Variants in C19orf38 observed in about 807,000 individuals in gnomAD.
C19orf38 encodes the protein chromosome 19 open reading frame 38.
In C19orf38, 14 loss-of-function variants were observed where a neutral mutation model predicts 26.6. That is an observed-to-expected ratio of 0.53 (90% CI 0.35 to 0.82). The LOEUF (loss-of-function observed/expected upper bound fraction) is 0.82. Ranked by LOEUF, C19orf38 falls within the 40% of genes least tolerant of loss-of-function variation. The pLI is 0.01. For synonymous variants in C19orf38, 132 were observed against 128.5 expected (o/e 1.03, Z -0.18); for missense variants, 261 against 299.5 (o/e 0.87, Z 0.95).
In C19orf38 at chr19:10,850,311, C is replaced by T; in HGVS notation, c.84C>T (p.Ser28=). Residue 28 remains serine, a synonymous_variant, in exon 2 of 7, where the codon AGC becomes AGT. Transcript: ENST00000397820. The part of the protein sequence containing the change: ...PSIRLVPPYP[S]SQEDPIHIAC... ...TCCGGCTGGTGCCCCCGTACCCAAGCAGCCAAGAGGACCCCATCCACATCG... is the reference window on the plus strand; with the variant it reads ...TCCGGCTGGTGCCCCCGTACCCAAGTAGCCAAGAGGACCCCATCCACATCG... 1 of 1,551,222 alleles carries T rather than the reference C, an allele frequency of 6.4e-7. No individual in the cohort carries two copies. Among genetic ancestry groups the T allele is most frequent in the Non-Finnish European group, 8.7e-7 (1 of 1,146,966 alleles).
chr19:10,859,322 GTGTATGTA>G (rs1470251522), intron 4 of C19orf38, among the ~76,000 whole-genome samples: 1 of 136,646 alleles, frequency 7.3e-6, no homozygotes, highest in Non-Finnish European at 1.6e-5. Context: ...ATGTGTGTGT[GTGTATGTA>G]TGTGTGTGTG....
intron 6 of C19orf38, among the ~76,000 whole-genome samples, chr19:10,868,658 C>G (rs992611634): frequency 5.9e-5 from 9 of 152,038 alleles, no homozygotes; most frequent in South Asian, 2.1e-4. Flanking sequence ...GGATTACAGG[C>G]GTGCACCACC....
At chr19:10,854,136 C>T (rs1438937386) in intron 2 of C19orf38, among the ~76,000 whole-genome samples, 1 of 151,510 alleles carries the variant, frequency 6.6e-6, no homozygotes, top group Admixed American at 6.6e-5. Context: ...AATCTCGGCT[C>T]ACTGCAACCT....
chr19:10,838,254 C>CA (rs1258889186), intron 1 of C19orf38, among the ~76,000 whole-genome samples: 1 of 151,902 alleles, frequency 6.6e-6, no homozygotes, highest in African/African-American at 2.4e-5. Context: ...ACCAAAAATA[C>CA]AAAAAATTAG....
intron 5 of C19orf38, 77 bp from the exon 6 acceptor site, chr19:10,863,093 G>T: frequency 7.0e-7 from 1 of 1,433,928 alleles, no homozygotes; most frequent in Non-Finnish European, 9.6e-7. Context: ...GGGCTGGGGG[G>T]CAGTGCGGGG....
intron 5 of C19orf38, among the ~76,000 whole-genome samples, chr19:10,862,758 G>A (rs550092938): frequency 6.6e-6 from 1 of 152,092 alleles, no homozygotes; most frequent in Non-Finnish European, 1.5e-5. Context: ...GAACCCAGGA[G>A]GCGGAAGTTG....
chr19:10,843,518 C>T (rs544977541), upstream of C19orf38, among the ~76,000 whole-genome samples: 14 of 152,360 alleles, frequency 9.2e-5, no homozygotes, highest in African/African-American at 2.9e-4. Flanking sequence ...GACTCTTGAA[C>T]GCTGAGCTCC....
At chr19:10,858,239 A>AC in intron 3 of C19orf38, 77 bp from the exon 4 acceptor site, 5 of 1,190,546 alleles carry the variant, frequency 4.2e-6, no homozygotes, top group Admixed American at 2.9e-5. Context: ...AAAAAAAAAA[A>AC]AAAAAAAAAA....
chr19:10,853,628 C>T (rs560446264), intron 2 of C19orf38, among the ~76,000 whole-genome samples: 6 of 144,700 alleles, frequency 4.1e-5, no homozygotes, highest in South Asian at 2.2e-4. Context: ...CTCGGTCTGT[C>T]GCCCAGGCTG....
At chr19:10,853,123 C>T (rs957637501) in intron 2 of C19orf38, among the ~76,000 whole-genome samples, 4 of 151,284 alleles carry the variant, frequency 2.6e-5, no homozygotes, top group Admixed American at 2.0e-4. Flanking sequence ...AGTGCAGTGG[C>T]GCAATCACAG....
At chr19:10,862,277 T>C (rs1267282251) in intron 5 of C19orf38, among the ~76,000 whole-genome samples, 2 of 143,580 alleles carry the variant, frequency 1.4e-5, no homozygotes, top group Admixed American at 1.5e-4. Flanking sequence ...CAATCATAGC[T>C]CACTGCAGCC....
intron 6 of C19orf38, 121 bp from the exon 7 acceptor site, chr19:10,869,097 T>TG: frequency 3.1e-6 from 4 of 1,276,854 alleles, no homozygotes; most frequent in Non-Finnish European, 4.4e-6. Context: ...TGGGTGTGGG[T>TG]GGGGGCGGGA....
At chr19:10,846,329 TG>T (rs2146245477), upstream of C19orf38, among the ~76,000 whole-genome samples, 1 of 151,510 alleles carries the variant, frequency 6.6e-6, no homozygotes, top group African/African-American at 2.4e-5. Flanking sequence ...CCCGAGTAGC[TG>T]GGACTACAGG....
intron 1 of C19orf38, among the ~76,000 whole-genome samples, chr19:10,838,000 C>G (rs1031101111): frequency 6.6e-6 from 1 of 152,156 alleles, no homozygotes; most frequent in Non-Finnish European, 1.5e-5. Context: ...CTGTGTTGCC[C>G]AGGCTGGTTT....
At position 10,869,377 on chromosome 19, in the gene C19orf38, C is replaced by T. The variant is rs1005869547; in HGVS notation, c.*10C>T. ...CCGGGCCTGCCAGTGAGGCTGAGGA[C>T]TGGGGGACCCCTCTGTCTCCAGGCA... On this transcript the variant is annotated 3_prime_UTR_variant, in exon 7 of 7. Transcript: ENST00000397820. 2 of 1,544,622 alleles carry T rather than the reference C, an allele frequency of 1.3e-6. No homozygotes were observed. Among genetic ancestry groups the T allele is most frequent in the African/African-American group, 2.8e-5 (2 of 72,566 alleles).
upstream of C19orf38, among the ~76,000 whole-genome samples, chr19:10,846,676 G>A (rs776322473): frequency 2.0e-5 from 3 of 152,084 alleles, no homozygotes; most frequent in Non-Finnish European, 4.4e-5. Flanking sequence ...ATGAAAGAAG[G>A]AACATCACTA....
intron 2 of C19orf38, among the ~76,000 whole-genome samples, chr19:10,853,261 C>T (rs953507754): frequency 5.9e-5 from 9 of 151,858 alleles, no homozygotes; most frequent in African/African-American, 1.9e-4. Flanking sequence ...CAGGGACTCA[C>T]TCTGTCGCCC....
chr19:10,850,234 A>G, intron 1 of C19orf38, 25 bp from the exon 2 acceptor site: 1 of 1,529,846 alleles, frequency 6.5e-7, no homozygotes. Context: ...CCACGCACCC[A>G]CCCACCTTAC....
chr19:10,848,551 GC>G lies in C19orf38; in HGVS notation c.31+18del. ...GCTCTTTGCAGCTGGTGAGTCTGAA[GC>G]CCCCCTCTCAGATCCCCCACGCCTT... On this transcript the variant is annotated intron_variant, in intron 1 of 6. Coordinates refer to ENST00000397820, the MANE Select transcript of C19orf38 (RefSeq NM_001136482.3). The G allele has an allele frequency of 6.4e-7, 1 of 1,550,818 alleles. No homozygotes were observed. The highest frequency in any genetic ancestry group is 8.7e-7 in the Non-Finnish European group (1 of 1,146,478).
Sources: gnomAD v4.1 joint callset for allele counts (sites outside exome capture counted in the v4.1 genomes callset) on GRCh38, gnomAD v4.1.1 for gene constraint, MANE v1.5 for transcripts, NCBI Gene and HGNC (gene_info 2026-07-23, HGNC 2026-07-21) for gene names.